SASH1: variants seen among roughly 807,000 people sequenced by gnomAD.
SASH1 encodes the protein SAM and SH3 domain containing 1, also known as SAM and SH3 domain-containing protein 1.
In SASH1, 44 loss-of-function variants were observed where a neutral mutation model predicts 125.2. The observed-to-expected ratio is 0.35, with a 90% CI of 0.28 to 0.45. SASH1 has a LOEUF of 0.45. Among genes scored for constraint, SASH1 ranks in the 20% least tolerant of loss-of-function variants. The pLI is 1.00. For missense variants in SASH1, 1,426 were observed against 1,614.5 expected (o/e 0.88, Z 2.00); for synonymous variants, 639 against 649.1 (o/e 0.98, Z 0.24).
intron 1 of SASH1, among the ~76,000 whole-genome samples, chr6:148,362,079 A>AT (rs1455314218): frequency 6.7e-6 from 1 of 150,042 alleles, no homozygotes; most frequent in Non-Finnish European, 1.5e-5. Context: ...ACGCCCAGCT[A>AT]TTTTTTGTTT....
At chr6:148,509,198 T>G in intron 8 of SASH1, 1 of 313,798 alleles carries the variant, frequency 3.2e-6, no homozygotes, top group African/African-American at 2.2e-5. Flanking sequence ...TGTTGCACAT[T>G]GCTTTTCATA....
intron 1 of SASH1, among the ~76,000 whole-genome samples, chr6:148,320,288 T>A (rs2114570542): frequency 6.6e-6 from 1 of 152,312 alleles, no homozygotes; most frequent in African/African-American, 2.4e-5. Flanking sequence ...CAAGACCCTC[T>A]GAAAAGAGCT....
chr6:148,197,087 G>A, the SASH1 span, among the ~76,000 whole-genome samples: 81 of 152,278 alleles, frequency 5.3e-4, no homozygotes, highest in African/African-American at 1.9e-3. Context: ...TGGGAGTCGT[G>A]GAAGGAGTCA....
intron 8 of SASH1, among the ~76,000 whole-genome samples, chr6:148,505,927 C>T (rs78731317): frequency 0.08 from 12,075 of 151,736 alleles, 1,034 homozygotes; most frequent in East Asian, 0.47. Flanking sequence ...TGAGCCACCG[C>T]GCCCAGCTAA....
intron 10 of SASH1, chr6:148,520,355 G>A (rs1257053454): frequency 3.0e-5 from 5 of 169,038 alleles, no homozygotes; most frequent in Non-Finnish European, 6.5e-5. Context: ...GTACTAAAAG[G>A]GTTCTCTTGA....
At position 148,549,473 on chromosome 6, in the gene SASH1, T is replaced by G. The variant is rs930522383; in HGVS notation, c.*915T>G. ...CTGCTTTTGGTTTTAACCAGTTTAG[T>G]ATCGTTACTGTGTGGATCGTCGCGC... On this transcript the variant is annotated 3_prime_UTR_variant, in exon 20 of 20. Coordinates refer to ENST00000367467, the MANE Select transcript of SASH1 (RefSeq NM_015278.5). 4 of 396,156 alleles carry G rather than the reference T, an allele frequency of 1.0e-5. No homozygotes were observed. The highest frequency in any genetic ancestry group is 1.8e-5 in the Non-Finnish European group (4 of 224,346). The allele number at this position is 396,156 out of a possible 1,614,324, so 24.5% of individuals were successfully genotyped here. A position where few individuals can be genotyped will look rare whatever the true frequency, so the allele number is the denominator to read the frequency against.
At chr6:148,283,577 T>A (rs1779403658) in intron 1 of SASH1, among the ~76,000 whole-genome samples, 1 of 151,928 alleles carries the variant, frequency 6.6e-6, no homozygotes, top group South Asian at 2.1e-4. Context: ...ATCGAGACCA[T>A]CCTGGCTAAC....
intron 7 of SASH1, chr6:148,479,437 T>C (rs1778515906): frequency 4.9e-6 from 1 of 205,162 alleles, no homozygotes; most frequent in Non-Finnish European, 1.0e-5. Context: ...GGGAGTTGAA[T>C]GTGACATGCC....
intron 1 of SASH1, among the ~76,000 whole-genome samples, chr6:148,291,649 A>G (rs550251376): frequency 2.0e-5 from 3 of 152,232 alleles, no homozygotes; most frequent in Non-Finnish European, 4.4e-5. Context: ...ACACCGCTGC[A>G]CTCTAGCCTG....
At chr6:148,472,566 C>G (rs1163589885) in intron 6 of SASH1, among the ~76,000 whole-genome samples, 4 of 152,144 alleles carry the variant, frequency 2.6e-5, no homozygotes, top group African/African-American at 9.7e-5. Context: ...AACCAACTCC[C>G]CATCACCCAC....
chr6:148,410,076 G>A (rs1010574619), intron 2 of SASH1, among the ~76,000 whole-genome samples: 1 of 147,298 alleles, frequency 6.8e-6, no homozygotes, highest in Non-Finnish European at 1.5e-5. Flanking sequence ...ATTGAACTAG[G>A]TAGGGTGTTT....
Position 148,533,077 on chromosome 6 carries a change from G to A in SASH1, c.1734+111G>A, listed in dbSNP as rs1470532032. 1 of 1,200,770 alleles carries A rather than the reference G, an allele frequency of 8.3e-7. No homozygotes were observed. The highest frequency in any genetic ancestry group is 1.2e-6 in the Non-Finnish European group (1 of 838,150). 74.4% of individuals were successfully genotyped at this position (1,200,770 alleles called of 1,614,324 possible). Reference sequence around the variant, plus strand: ...GGGCTACTATGGTACAGACTGGACAGTATCTTGGCTACCTCGATCACTGGT... The same window carrying A: ...GGGCTACTATGGTACAGACTGGACAATATCTTGGCTACCTCGATCACTGGT... On this transcript the variant is annotated intron_variant, in intron 14 of 19. Transcript: ENST00000367467. This position sits in a 1 kb window ranked among gnomAD's most constrained non-coding sequence, Gnocchi z 6.2.
At chr6:148,441,921 C>T (rs1406807530) in intron 4 of SASH1, among the ~76,000 whole-genome samples, 1 of 152,178 alleles carries the variant, frequency 6.6e-6, no homozygotes, top group Admixed American at 6.5e-5. Flanking sequence ...AACACACGCC[C>T]ACTGTCTCCA....
chr6:148,289,163 T>C (rs1779560375), intron 1 of SASH1, among the ~76,000 whole-genome samples: 1 of 152,194 alleles, frequency 6.6e-6, no homozygotes, highest in Non-Finnish European at 1.5e-5. Context: ...AACAAAGCAC[T>C]AAAACACAAC....
At chr6:148,433,784 GTTAATGAGATTTGTCA>G (rs1283225611) in intron 2 of SASH1, among the ~76,000 whole-genome samples, 1 of 152,078 alleles carries the variant, frequency 6.6e-6, no homozygotes, top group African/African-American at 2.4e-5. Flanking sequence ...AGTTTGTAAT[GTTAATGAGATTTGTCA>G]TTCTTAAATT....
rs1491163275 is a variant in SASH1 at position 148,421,123 on chromosome 6, AAG to A, written c.286-19059_286-19058del. Among the ~76,000 whole-genome samples, 214 of 67,582 alleles carry A rather than the reference AAG, an allele frequency of 3.2e-3. 5 individuals are homozygous for A. The East Asian group carries it at 0.055, about 17-fold the overall frequency. The allele number at this position is 67,582 out of a possible 152,430, so 44.3% of individuals were successfully genotyped here. On this transcript the variant is annotated intron_variant, in intron 2 of 19. Transcript: ENST00000367467. ...AAAAGAAAAGAAAGGAAAAGAAAGG[AAG>A]AAAGGAAGGAAGGAAGGAAGGAAGA... is the stretch of plus-strand genomic sequence containing the variant.
chr6:148,453,100 T>A (rs1296002074), intron 4 of SASH1, among the ~76,000 whole-genome samples: 1 of 152,192 alleles, frequency 6.6e-6, no homozygotes, highest in Non-Finnish European at 1.5e-5. Context: ...GAAACTCCGT[T>A]GCCCTTCCCT....
At chr6:148,488,489 C>T (rs962444615) in intron 8 of SASH1, among the ~76,000 whole-genome samples, 1 of 152,170 alleles carries the variant, frequency 6.6e-6, no homozygotes, top group Non-Finnish European at 1.5e-5. Context: ...GCTTTCAGTT[C>T]TTTTGCACAT....
the SASH1 span, among the ~76,000 whole-genome samples, chr6:148,260,452 C>A: frequency 6.6e-6 from 1 of 151,774 alleles, no homozygotes; most frequent in South Asian, 2.1e-4. Context: ...ACAAAAAAAT[C>A]AAAAAGTTAG....
Sources: gnomAD v4.1 joint callset for allele counts (sites outside exome capture counted in the v4.1 genomes callset) on GRCh38, gnomAD v4.1.1 for gene constraint, Gnocchi (gnomAD v3.1) non-coding constraint, MANE v1.5 for transcripts, NCBI Gene and HGNC (gene_info 2026-07-23, HGNC 2026-07-21) for gene names.